The following CNTNAP2 variants were observed in gnomAD, a reference collection of about 807,000 sequenced individuals.
The protein encoded by CNTNAP2 is contactin-associated protein-like 2.
A neutral mutation model predicts 155.2 loss-of-function variants in CNTNAP2; 98 were observed. That is an observed-to-expected ratio of 0.63 (90% CI 0.54 to 0.75). The LOEUF (loss-of-function observed/expected upper bound fraction) is 0.75, where lower values mean the gene tolerates loss of function less well. CNTNAP2 is among the 30% of genes least tolerant of loss of function. The pLI is 0.00. For synonymous variants in CNTNAP2, 651 were observed against 631.2 expected, an observed-to-expected ratio of 1.03 and a Z score of -0.47; for missense variants, 1,727 against 1,688.1, an observed-to-expected ratio of 1.02 and a Z score of -0.40.
chr7:148,315,691 T>A (rs567079414), intron 21 of CNTNAP2, among the ~76,000 whole-genome samples: 11 of 152,302 alleles, frequency 7.2e-5, no homozygotes, highest in African/African-American at 2.6e-4. Flanking sequence ...ATGGATTATA[T>A]CTTTGTTGAT....
At chr7:148,206,333 T>C (rs1285805753) in intron 18 of CNTNAP2, among the ~76,000 whole-genome samples, 1 of 150,018 alleles carries the variant, frequency 6.7e-6, no homozygotes, top group Non-Finnish European at 1.5e-5. Context: ...CTACCATTTG[T>C]ATTATATCTA....
chr7:147,520,661 G>A (rs564857089), intron 11 of CNTNAP2, among the ~76,000 whole-genome samples: 5 of 152,266 alleles, frequency 3.3e-5, no homozygotes, highest in African/African-American at 7.2e-5. Flanking sequence ...GATGACATAG[G>A]CCTACTGCTT....
intron 5 of CNTNAP2, among the ~76,000 whole-genome samples, chr7:147,110,032 C>A (rs893020829): frequency 1.3e-5 from 2 of 152,132 alleles, no homozygotes; most frequent in African/African-American, 4.8e-5. Context: ...TTAAGTGATG[C>A]TCCTGCCTCA....
chr7:146,326,117 C>A (rs1204977081), intron 1 of CNTNAP2, among the ~76,000 whole-genome samples: 1 of 152,146 alleles, frequency 6.6e-6, no homozygotes, highest in Non-Finnish European at 1.5e-5. Flanking sequence ...GTAGATCTAA[C>A]AAATATTCTC....
chr7:147,138,299 G>A (rs1347932330), intron 8 of CNTNAP2, among the ~76,000 whole-genome samples: 3 of 151,854 alleles, frequency 2.0e-5, no homozygotes, highest in Non-Finnish European at 4.4e-5. Flanking sequence ...TTGTTTGGTG[G>A]ATCCCAAAAG....
At chr7:146,345,128 G>T (rs936977571) in intron 1 of CNTNAP2, among the ~76,000 whole-genome samples, 7 of 152,142 alleles carry the variant, frequency 4.6e-5, no homozygotes, top group Non-Finnish European at 7.3e-5. Context: ...AAGTGGCTTG[G>T]TGGTTGTACT....
At chr7:148,200,013 G>C (rs1488460223) in intron 18 of CNTNAP2, among the ~76,000 whole-genome samples, 1 of 152,228 alleles carries the variant, frequency 6.6e-6, no homozygotes, top group Non-Finnish European at 1.5e-5. Flanking sequence ...ACAAGAGAGG[G>C]TGAATTCCCC....
intron 3 of CNTNAP2, among the ~76,000 whole-genome samples, chr7:146,937,990 C>T (rs1291046898): frequency 6.6e-6 from 1 of 152,100 alleles, no homozygotes; most frequent in Non-Finnish European, 1.5e-5. Context: ...ATTTTTCTTT[C>T]AGGAAGGGTA....
At chr7:146,418,914 G>C (rs1017976050) in intron 1 of CNTNAP2, among the ~76,000 whole-genome samples, 3 of 152,004 alleles carry the variant, frequency 2.0e-5, no homozygotes, top group Non-Finnish European at 4.4e-5. Flanking sequence ...ATAACTACCA[G>C]ACATTAGAAG....
intron 1 of CNTNAP2, among the ~76,000 whole-genome samples, chr7:146,433,699 A>G (rs1724497): frequency 0.43 from 65,109 of 151,934 alleles, 16,873 homozygotes; most frequent in African/African-American, 0.73. Context: ...ATGGTCCCTC[A>G]TCACGCTGTG....
chr7:147,346,337 G>A (rs1795862513), intron 9 of CNTNAP2, among the ~76,000 whole-genome samples: 1 of 150,640 alleles, frequency 6.6e-6, no homozygotes, highest in Non-Finnish European at 1.5e-5. Flanking sequence ...TGTATTTTTA[G>A]TAGAGACGGG....
chr7:147,276,088 G>C (rs933590676), intron 8 of CNTNAP2, among the ~76,000 whole-genome samples: 6 of 151,762 alleles, frequency 4.0e-5, no homozygotes, highest in Admixed American at 6.6e-5. Flanking sequence ...TTTTGCATGT[G>C]TGTTTTTGCA....
At chr7:147,272,509 A>AT (rs1197892032) in intron 8 of CNTNAP2, among the ~76,000 whole-genome samples, 1 of 150,362 alleles carries the variant, frequency 6.7e-6, no homozygotes, top group Non-Finnish European at 1.5e-5. Flanking sequence ...TCCAGTTTCT[A>AT]TTTTTTCGAG....
intron 8 of CNTNAP2, among the ~76,000 whole-genome samples, chr7:147,276,935 T>G (rs1317756598): frequency 6.6e-6 from 1 of 151,962 alleles, no homozygotes; most frequent in Non-Finnish European, 1.5e-5. Context: ...TCCCCTATGA[T>G]GAGTAGAGTT....
intron 1 of CNTNAP2, among the ~76,000 whole-genome samples, chr7:146,530,864 C>T (rs1295619951): frequency 6.6e-6 from 1 of 152,176 alleles, no homozygotes; most frequent in African/African-American, 2.4e-5. Context: ...CCAGCAATTC[C>T]ATTATTGCAT....
intron 1 of CNTNAP2, among the ~76,000 whole-genome samples, chr7:146,125,672 G>A (rs1797625674): frequency 6.6e-6 from 1 of 151,762 alleles, no homozygotes; most frequent in Admixed American, 6.6e-5. Flanking sequence ...ATGTGCCGTG[G>A]TGGGGTATTA....
intron 1 of CNTNAP2, among the ~76,000 whole-genome samples, chr7:146,486,838 G>A (rs1321168159): frequency 6.6e-6 from 1 of 152,108 alleles, no homozygotes; most frequent in Non-Finnish European, 1.5e-5. Flanking sequence ...TTTCACATCT[G>A]TTCTTGGCTC....
chr7:146,927,518 A>T (rs1392306530), intron 3 of CNTNAP2, among the ~76,000 whole-genome samples: 1 of 152,132 alleles, frequency 6.6e-6, no homozygotes, highest in Non-Finnish European at 1.5e-5. Flanking sequence ...ATAATGTAAA[A>T]TCTTTTTGTG....
chr7:147,365,408 A>C (rs13238632), intron 9 of CNTNAP2, among the ~76,000 whole-genome samples: 2 of 143,856 alleles, frequency 1.4e-5, no homozygotes, highest in Non-Finnish European at 3.1e-5. Flanking sequence ...AAAAAAAAAA[A>C]CAAAGAAACT....
Sources: gnomAD v4.1 joint callset for allele counts (sites outside exome capture counted in the v4.1 genomes callset) on GRCh38, gnomAD v4.1.1 for gene constraint, MANE v1.5 for transcripts, NCBI Gene and HGNC (gene_info 2026-07-23, HGNC 2026-07-21) for gene names.